The following CCNH variants were observed in gnomAD, a reference collection of about 807,000 sequenced individuals.
The protein encoded by CCNH is cyclin H, also known as cyclin-H.
Under a neutral mutation model 41.9 loss-of-function variants are expected in CCNH, and 31 were observed. The observed-to-expected ratio is 0.74, with a 90% confidence interval of 0.56 to 1.00. The LOEUF (loss-of-function observed/expected upper bound fraction) is 1.00, where lower values mean the gene tolerates loss of function less well. Among genes scored for constraint, CCNH ranks in the 50% least tolerant of loss-of-function variants. The pLI is 0.00. For missense variants in CCNH, 362 were observed against 388.4 expected, an observed-to-expected ratio of 0.93 and a Z score of 0.57; for synonymous variants, 138 against 136.1, an observed-to-expected ratio of 1.01 and a Z score of -0.10.
At chr5:87,378,898 G>A (rs1462360400), upstream of CCNH, among the ~76,000 whole-genome samples, 1 of 151,982 alleles carries the variant, frequency 6.6e-6, no homozygotes, top group Non-Finnish European at 1.5e-5. Context: ...ATTACATCTT[G>A]GTTTGTTCTT....
At chr5:87,409,134 A>AT in intron 3 of CCNH, 156 bp downstream of exon 3, 1 of 429,476 alleles carries the variant, frequency 2.3e-6, no homozygotes. Flanking sequence ...CAAGTTCTGA[A>AT]TAAAAAAAAA....
intron 6 of CCNH, 143 bp from the exon 7 acceptor site, chr5:87,399,648 A>G: frequency 6.2e-6 from 4 of 640,664 alleles, no homozygotes; most frequent in East Asian, 5.3e-5. Flanking sequence ...ATCATTCTGC[A>G]TTTCATTCTA....
chr5:87,394,551 T>C, intron 8 of CCNH, 67 bp from the exon 9 acceptor site: 1 of 1,594,438 alleles, frequency 6.3e-7, no homozygotes, highest in Non-Finnish European at 8.5e-7. Context: ...ACCTCTTACC[T>C]CCCTTTAAGA....
chr5:87,381,138 CT>C (rs1281362076), upstream of CCNH, among the ~76,000 whole-genome samples: 1 of 152,098 alleles, frequency 6.6e-6, no homozygotes, highest in African/African-American at 2.4e-5. Context: ...GGAAGAACTG[CT>C]TTGGCAAATC....
rs548404960 is a variant in CCNH at position 87,408,602 on chromosome 5, GGAAGGCCATCGGCA to G, written c.315-430_315-417del. Among the ~76,000 whole-genome samples, 240 of 152,286 alleles carry G rather than the reference GGAAGGCCATCGGCA, an allele frequency of 1.6e-3. 1 individual carries two copies. The highest frequency in any genetic ancestry group is 6.8e-3 in the Middle Eastern group (2 of 294). ...GAAAAGTAGGTTAAAGGAACATTGT[GGAAGGCCATCGGCA>G]GAAGTCTCTAAGGGCATCTGAATAA... On this transcript the variant is annotated intron_variant, in intron 3 of 8. Coordinates refer to ENST00000256897, the MANE Select transcript of CCNH (RefSeq NM_001239.4).
At chr5:87,322,219 C>T (rs1756875056) in intron 9 of CCNH, among the ~76,000 whole-genome samples, 1 of 152,102 alleles carries the variant, frequency 6.6e-6, no homozygotes, top group African/African-American at 2.4e-5. Flanking sequence ...CTGTTAGGAG[C>T]TGGGCCACAC....
At chr5:87,412,532 G>C (rs969511627) in intron 1 of CCNH, 146 bp downstream of exon 1, 2 of 1,447,172 alleles carry the variant, frequency 1.4e-6, no homozygotes, top group African/African-American at 1.4e-5. Context: ...CTGGCAAGGT[G>C]CTCGCTTATT....
intron 9 of CCNH, among the ~76,000 whole-genome samples, chr5:87,334,618 A>G (rs1757834134): frequency 6.6e-6 from 1 of 152,228 alleles, no homozygotes; most frequent in African/African-American, 2.4e-5. Flanking sequence ...AAAGCAATGG[A>G]TGGTAAAACT....
chr5:87,395,355 G>C (rs1297973435), intron 7 of CCNH, among the ~76,000 whole-genome samples: 1 of 152,082 alleles, frequency 6.6e-6, no homozygotes, highest in Admixed American at 6.5e-5. Flanking sequence ...CACTGACCTA[G>C]GAAAGAGTGT....
chr5:87,331,385 G>A lies in CCNH; in HGVS notation c.*91-12488C>T. On this transcript the variant is annotated intron_variant and NMD_transcript_variant, in intron 9 of 9. Coordinates refer to the CCNH transcript ENST00000645953. ...AAAACTTGACAGAACGATAGCAGAA[G>A]AACGCCTCAGGCAGGCAGGGAAGTC... 6.2e-7 allele frequency: 1 copy of A among 1,612,586 alleles called. No homozygotes were observed. Among genetic ancestry groups the A allele is most frequent in the Non-Finnish European group, 8.5e-7 (1 of 1,178,640 alleles).
rs779299337 is a variant in CCNH, at chr5:87,338,104, C to T, written c.*91-19207G>A. 112 of 1,611,346 alleles carry T rather than the reference C, an allele frequency of 7.0e-5. No individual in the cohort carries two copies. The highest frequency in any genetic ancestry group is 9.2e-5 in the Non-Finnish European group (109 of 1,178,672). ...AGTAGAAGAGGTGGTAAGTTTTGTT[C>T]TTTTCTTCTCAATTCTAGATTCTAA... On this transcript the variant is annotated intron_variant and NMD_transcript_variant, in intron 9 of 9. Transcript: ENST00000645953.
chr5:87,363,965 C>A (rs1760313396), intron 9 of CCNH, among the ~76,000 whole-genome samples: 1 of 152,028 alleles, frequency 6.6e-6, no homozygotes, highest in African/African-American at 2.4e-5. Flanking sequence ...CTTATGTTGA[C>A]TTCTTGGTTT....
chr5:87,385,064 C>T (rs1344260915), intron 9 of CCNH, among the ~76,000 whole-genome samples: 1 of 152,050 alleles, frequency 6.6e-6, no homozygotes, highest in Admixed American at 6.5e-5. Context: ...GTACCCTTTT[C>T]GCAAGCCTAG....
chr5:87,383,904 A>C (rs1008386133), intron 9 of CCNH: 1 of 825,340 alleles, frequency 1.2e-6, no homozygotes, highest in African/African-American at 1.8e-5. Context: ...GGCATATATG[A>C]AGTATTCCAA....
intron 1 of CCNH, among the ~76,000 whole-genome samples, 165 bp from the exon 2 acceptor site, chr5:87,411,511 T>C (rs555691996): frequency 1.3e-5 from 2 of 152,232 alleles, no homozygotes; most frequent in Non-Finnish European, 2.9e-5. Context: ...AAAATAGCTG[T>C]AGGAAAATAT....
At chr5:87,353,113 A>T in intron 9 of CCNH, 1 of 1,461,884 alleles carries the variant, frequency 6.8e-7, no homozygotes, top group Non-Finnish European at 9.6e-7. Flanking sequence ...AAGATTTTGC[A>T]GTTTTATGAG....
downstream of CCNH, chr5:87,376,243 A>G (rs1761319283): frequency 3.4e-6 from 3 of 873,482 alleles, no homozygotes; most frequent in Middle Eastern, 3.4e-4. Flanking sequence ...TAAATAAACA[A>G]CTAAATATTG....
downstream of CCNH, chr5:87,392,231 A>G (rs1017451959): frequency 1.5e-5 from 7 of 456,258 alleles, no homozygotes; most frequent in African/African-American, 1.4e-4. Flanking sequence ...TTCCAAGAGC[A>G]ACACTTTATG....
intron 9 of CCNH, among the ~76,000 whole-genome samples, chr5:87,351,392 A>T (rs1449033666): frequency 6.6e-6 from 1 of 151,758 alleles, no homozygotes; most frequent in East Asian, 1.9e-4. Flanking sequence ...AATGCATGGG[A>T]ATCAATAAAT....
Sources: gnomAD v4.1 joint callset for allele counts (sites outside exome capture counted in the v4.1 genomes callset) on GRCh38, gnomAD v4.1.1 for gene constraint, MANE v1.5 for transcripts, NCBI Gene and HGNC (gene_info 2026-07-23, HGNC 2026-07-21) for gene names.